The following PIGM variants were observed in gnomAD, a reference collection of about 807,000 sequenced individuals.
PIGM encodes the protein GPI alpha-1,4-mannosyltransferase I, catalytic subunit.
PIGM carries 7 observed loss-of-function variants against 14.6 expected under a neutral mutation model. The observed-to-expected ratio is 0.48, with a 90% CI of 0.27 to 0.90. The LOEUF (loss-of-function observed/expected upper bound fraction) is 0.90, where lower values mean the gene tolerates loss of function less well. Among genes scored for constraint, PIGM ranks in the 40% least tolerant of loss-of-function variants. The pLI is 0.12. For synonymous variants in PIGM, 216 were observed against 215.9 expected, an observed-to-expected ratio of 1.00 and a Z score of 0.00; for missense variants, 506 against 516.2, an observed-to-expected ratio of 0.98 and a Z score of 0.19.
rs751888594 is a variant in PIGM at position 160,031,521 on chromosome 1, C to G, written c.219G>C (p.Thr73=). ...AACCCAGCAGCGGGGTGTAACGGTA[C>G]GTGGCTCTCAGGTAAGGCGAGCGCC... The part of the protein sequence containing the change: ...TEGRSPYLRA[T]YRYTPLLGWL... The change falls in exon 1 of 1, where the codon ACG becomes ACC. Residue 73 remains threonine (T), a synonymous_variant. Coordinates refer to ENST00000368090, the MANE Select transcript of PIGM (RefSeq NM_145167.3). 6.2e-7 allele frequency: 1 copy of G among 1,614,158 alleles called. No individual in the cohort carries two copies. Among genetic ancestry groups the G allele is most frequent in the Non-Finnish European group, 8.5e-7 (1 of 1,180,028 alleles).
In PIGM at chr1:160,031,859, G is replaced by A. The variant is rs915837154; in HGVS notation, c.-120C>T. The A allele has an allele frequency of 1.7e-6, 2 of 1,149,878 alleles. No homozygotes were observed. Among genetic ancestry groups the A allele is most frequent in the Non-Finnish European group, 2.6e-6 (2 of 778,252 alleles). The allele number at this position is 1,149,878 out of a possible 1,614,324, so 71.2% of individuals were successfully genotyped here. ...TCTCCCACCCGCCAGGCTGCCAACCGAAACGACTGCAGACTATCACATCCG... is the reference window on the plus strand; with the variant it reads ...TCTCCCACCCGCCAGGCTGCCAACCAAAACGACTGCAGACTATCACATCCG... On this transcript the variant is annotated 5_prime_UTR_variant, in exon 1 of 1. Coordinates refer to ENST00000368090, the MANE Select transcript of PIGM (RefSeq NM_145167.3).
chr1:160,031,568 C>T lies in PIGM; in HGVS notation c.172G>A (p.Ala58Thr). 1 of 1,614,176 alleles carries T rather than the reference C, an allele frequency of 6.2e-7. No individual in the cohort carries two copies. Among genetic ancestry groups the T allele is most frequent in the East Asian group, 2.2e-5 (1 of 44,880 alleles). ...TDIDYQVFTD[A>T]ARFVTEGRSP... ...CGCCCCTCCGTGACGAAGCGCGCGG[C>T]GTCGGTGAAGACCTGGTAGTCGATG... The change falls in exon 1 of 1, where the codon GCC becomes ACC. Residue 58 changes from alanine to threonine, a missense_variant. Ala to Thr is a moderately conservative substitution (Grantham distance 58). Coordinates refer to ENST00000368090, the MANE Select transcript of PIGM (RefSeq NM_145167.3).
chr1:160,030,654 C>T lies in PIGM; in HGVS notation c.1086G>A (p.Met362Ile), dbSNP rs1272250142. The T allele has an allele frequency of 1.2e-6, 2 of 1,614,204 alleles. No homozygotes were observed. Among genetic ancestry groups the T allele is most frequent in the Admixed American group, 3.3e-5 (2 of 60,030 alleles). ...MPWKRAVVLL[M>I]LWFIGQAMWL... ...ACATGGCCTGCCCTATAAACCATAA[C>T]ATTAGGAGAACTACAGCTCTTTTCC... Residue 362 changes from methionine (M) to isoleucine (I), a missense_variant, in exon 1 of 1, where the codon ATG becomes ATA. By Grantham distance (10) the Met-to-Ile change is conservative. Coordinates refer to ENST00000368090, the MANE Select transcript of PIGM (RefSeq NM_145167.3).
rs1648298992 is a variant in PIGM at position 160,030,636 on chromosome 1, C to T, written c.1104G>A (p.Gln368=). The T allele has an allele frequency of 6.2e-7, 1 of 1,614,082 alleles. No homozygotes were observed. The highest frequency in any genetic ancestry group is 1.3e-5 in the African/African-American group (1 of 74,936). ...CATAGGCAGGAGCCAGCCACATGGC[C>T]TGCCCTATAAACCATAACATTAGGA... The part of the protein sequence containing the change: ...VVLLMLWFIG[Q]AMWLAPAYVL... The change falls in exon 1 of 1, where the codon CAG becomes CAA. Residue 368 remains glutamine (Q), a synonymous_variant. Transcript: ENST00000368090.
In PIGM at chr1:160,025,257, A is replaced by G. The variant is rs1352318842; in HGVS notation, c.*5211T>C. ...CCATTTCACAGATAAAAACTAATGT[A>G]TCTAGATATGATAATCTTGCTCAGG... is the stretch of plus-strand genomic sequence containing the variant. On this transcript the variant is annotated 3_prime_UTR_variant, in exon 1 of 1. Coordinates refer to ENST00000368090, the MANE Select transcript of PIGM (RefSeq NM_145167.3). 1 of 152,240 alleles carries G rather than the reference A, an allele frequency of 6.6e-6. No homozygotes were observed. The allele number at this position is 152,240 out of a possible 1,614,324, so 9.4% of individuals were successfully genotyped here. A position where few individuals can be genotyped will look rare whatever the true frequency, so the allele number is the denominator to read the frequency against.
rs756909888 is a variant in PIGM, at chr1:160,030,514, G to A, written c.1226C>T (p.Ser409Phe). 2.8e-5 allele frequency: 45 copies of A among 1,613,580 alleles called. No individual in the cohort carries two copies. Among genetic ancestry groups the A allele is most frequent in the Non-Finnish European group, 3.6e-5 (43 of 1,179,618 alleles). Residue 409 changes from serine to phenylalanine, a missense_variant, in exon 1 of 1, where the codon TCC (serine) becomes TTC (phenylalanine). Physicochemically the swap from Ser to Phe is radical, Grantham distance 155. Transcript: ENST00000368090. ...INCSILIQII[S>F]HYKEEPLTER... ...TGTCAGGGGTTCTTCTTTGTAATGG[G>A]AAATAATTTGAATCAGGATGGAACA...
At position 160,028,900 on chromosome 1, in the gene PIGM, A is replaced by G. The variant is rs748483526; in HGVS notation, c.*1568T>C. 3.9e-5 allele frequency: 6 copies of G among 152,142 alleles called. No individual in the cohort carries two copies. Among genetic ancestry groups the G allele is most frequent in the Non-Finnish European group, 8.8e-5 (6 of 68,006 alleles). 9.4% of individuals were successfully genotyped at this position (152,142 alleles called of 1,614,324 possible). ...TGACCACCTAAGCCTCAGTTCCACA[A>G]TCTCCCTCTAAATTCTCTGGTCTAG... On this transcript the variant is annotated 3_prime_UTR_variant, in exon 1 of 1. Coordinates refer to ENST00000368090, the MANE Select transcript of PIGM (RefSeq NM_145167.3).
In PIGM at chr1:160,030,415, T is replaced by G. The variant is rs1467531643; in HGVS notation, c.*53A>C. 15 of 1,537,580 alleles carry G rather than the reference T, an allele frequency of 9.8e-6. No homozygotes were observed. The highest frequency in any genetic ancestry group is 1.3e-5 in the Non-Finnish European group (15 of 1,111,750). ...AAAATGTCCCAAAGCTCTCTTCTGGTCCATACAAGACAATCAGAATGTAAC... is the reference window on the plus strand; with the variant it reads ...AAAATGTCCCAAAGCTCTCTTCTGGGCCATACAAGACAATCAGAATGTAAC... On this transcript the variant is annotated 3_prime_UTR_variant, in exon 1 of 1. Coordinates refer to ENST00000368090, the MANE Select transcript of PIGM (RefSeq NM_145167.3).
In PIGM at chr1:160,030,790, C is replaced by T. The variant is rs138769872; in HGVS notation, c.950G>A (p.Cys317Tyr). 7.0e-4 allele frequency: 1,137 copies of T among 1,613,952 alleles called. No homozygotes were observed. The highest frequency in any genetic ancestry group is 9.4e-4 in the Non-Finnish European group (1,109 of 1,179,978). ...FAYYRDLVFC[C>Y]FLHTSIFVTF... is the part of the protein sequence containing the mutation. ...CACAAAAATGGACGTATGAAGAAAA[C>T]AACAAAAAACGAGGTCTCTGTAATA... The change falls in exon 1 of 1, where the codon TGT becomes TAT. Residue 317 changes from cysteine (C) to tyrosine (Y), a missense_variant. Transcript: ENST00000368090.
In PIGM at chr1:160,031,243, A is replaced by G. The variant is rs1648324446; in HGVS notation, c.497T>C (p.Val166Ala). The change falls in exon 1 of 1, where the codon GTC (valine) becomes GCC (alanine). Residue 166 changes from valine (V) to alanine (A), a missense_variant. Val to Ala is a moderately conservative substitution (Grantham distance 64). Coordinates refer to ENST00000368090, the MANE Select transcript of PIGM (RefSeq NM_145167.3). Reference protein sequence around the residue: ...MVLYLIKKRLVACAAVFYGFA... With the variant: ...MVLYLIKKRLAACAAVFYGFA... The stretch of plus-strand genomic sequence containing the variant: ...ACCATAGAATACAGCTGCACACGCG[A>G]CGAGTCTTTTCTTTATCAAGTAGAG... 4.3e-6 allele frequency: 7 copies of G among 1,614,016 alleles called. No individual in the cohort carries two copies. Among genetic ancestry groups the G allele is most frequent in the African/African-American group, 1.3e-5 (1 of 74,882 alleles).
Position 160,025,632 on chromosome 1 carries a change from G to T in PIGM, c.*4836C>A, listed in dbSNP as rs1648166124. On this transcript the variant is annotated 3_prime_UTR_variant, in exon 1 of 1. Transcript: ENST00000368090. The stretch of plus-strand genomic sequence containing the variant: ...AAAAGTTTGGGGATGACAGTGACTT[G>T]GTACAACTGAGAGAACTGCCCCTCA... 6.6e-6 allele frequency: 1 copy of T among 152,154 alleles called. No homozygotes were observed. Among genetic ancestry groups the T allele is most frequent in the South Asian group, 2.1e-4 (1 of 4,830 alleles). The allele number at this position is 152,154 out of a possible 1,614,324, so 9.4% of individuals were successfully genotyped here. A position where few individuals can be genotyped will look rare whatever the true frequency, so the allele number is the denominator to read the frequency against.
rs569166175 is a variant in PIGM, at chr1:160,026,254, C to T, written c.*4214G>A. On this transcript the variant is annotated 3_prime_UTR_variant, in exon 1 of 1. Coordinates refer to ENST00000368090, the MANE Select transcript of PIGM (RefSeq NM_145167.3). ...TTATCCACCATGTTCTTTCCTTCCT[C>T]GGAATCTTTGAGATCCAAGAACGTC... is the stretch of plus-strand genomic sequence containing the variant. 2.6e-5 allele frequency: 4 copies of T among 152,254 alleles called. No individual in the cohort carries two copies. The highest frequency in any genetic ancestry group is 2.1e-4 in the South Asian group (1 of 4,824). The allele number at this position is 152,254 out of a possible 1,614,324, so 9.4% of individuals were successfully genotyped here. A position where few individuals can be genotyped will look rare whatever the true frequency, so the allele number is the denominator to read the frequency against.
rs1355513102 is a variant in PIGM at position 160,030,995 on chromosome 1, A to G, written c.745T>C (p.Tyr249His). 3.7e-6 allele frequency: 6 copies of G among 1,614,034 alleles called. No individual in the cohort carries two copies. The highest frequency in any genetic ancestry group is 5.1e-6 in the Non-Finnish European group (6 of 1,180,022). Residue 249 changes from tyrosine to histidine, a missense_variant, in exon 1 of 1, where the codon TAC becomes CAC. Coordinates refer to ENST00000368090, the MANE Select transcript of PIGM (RefSeq NM_145167.3). The stretch of plus-strand genomic sequence containing the variant: ...GTGTGTTCCAAAAATTCCCAGCCGT[A>G]CTCATAGTAAAAACCAAAGCTCAGG... The part of the protein sequence containing the change: ...FALSFGFYYE[Y>H]GWEFLEHTYF...
At position 160,030,814 on chromosome 1, in the gene PIGM, T is replaced by C. The variant is rs748656581; in HGVS notation, c.926A>G (p.Tyr309Cys). The C allele has an allele frequency of 1.4e-5, 22 of 1,614,026 alleles. No homozygotes were observed. Among genetic ancestry groups the C allele is most frequent in the East Asian group, 8.9e-5 (4 of 44,896 alleles). ...ACAACAAAAAACGAGGTCTCTGTAA[T>C]AGGCGAAAGACACAGCTGAAAGCAA... ...LILLSAVSFAYYRDLVFCCFL... is the reference protein window; with the variant it reads ...LILLSAVSFACYRDLVFCCFL... The change falls in exon 1 of 1, where the codon TAT (tyrosine) becomes TGT (cysteine). Residue 309 changes from tyrosine to cysteine, a missense_variant. Tyr to Cys is a radical substitution (Grantham distance 194, BLOSUM62 -2). Transcript: ENST00000368090.
rs1648266403 is a variant in PIGM at position 160,029,602 on chromosome 1, A to G, written c.*866T>C. 1 of 151,592 alleles carries G rather than the reference A, an allele frequency of 6.6e-6. No homozygotes were observed. The highest frequency in any genetic ancestry group is 2.4e-5 in the African/African-American group (1 of 41,252). 9.4% of individuals were successfully genotyped at this position (151,592 alleles called of 1,614,324 possible). ...TAGTAGAGAGGGGTTTCACCGTGTT[A>G]GCCAGGATGGTCTCAATCTCCTGAC... On this transcript the variant is annotated 3_prime_UTR_variant, in exon 1 of 1. Coordinates refer to ENST00000368090, the MANE Select transcript of PIGM (RefSeq NM_145167.3).
rs1217024111 is a variant in PIGM, at chr1:160,030,454, G to A, written c.*14C>T. On this transcript the variant is annotated 3_prime_UTR_variant, in exon 1 of 1. Transcript: ENST00000368090. ...TCAGAATGTAACACAGTAGCAGAGG[G>A]TGTGGAACATACACTAGTCATATTT... 2 of 1,596,942 alleles carry A rather than the reference G, an allele frequency of 1.3e-6. No homozygotes were observed. The highest frequency in any genetic ancestry group is 1.7e-5 in the Admixed American group (1 of 59,998).
rs2101918390 is a variant in PIGM at position 160,028,409 on chromosome 1, TA to T, written c.*2058del. On this transcript the variant is annotated 3_prime_UTR_variant, in exon 1 of 1. Coordinates refer to ENST00000368090, the MANE Select transcript of PIGM (RefSeq NM_145167.3). Reference sequence around the variant, plus strand: ...ACAAGACCTAATATGGGTATGAAACTAAATGTTATAAGGAAGGTCATTGTCC... The same window carrying T: ...ACAAGACCTAATATGGGTATGAAACTAATGTTATAAGGAAGGTCATTGTCC... 6.6e-6 allele frequency: 1 copy of T among 152,202 alleles called. No homozygotes were observed. The highest frequency in any genetic ancestry group is 1.9e-4 in the East Asian group (1 of 5,180). 9.4% of individuals were successfully genotyped at this position (152,202 alleles called of 1,614,324 possible).
rs756276286 is a variant in PIGM, at chr1:160,031,472, G to A, written c.268C>T (p.Leu90Phe). ...AGAAACTTTCCAAAGAGCTCGCTGA[G>A]GTAGATGTTGGGAGTGAGGAGCCAA... Reference protein sequence around the residue: ...LGWLLTPNIYLSELFGKFLFI... With the variant: ...LGWLLTPNIYFSELFGKFLFI... Residue 90 changes from leucine (L) to phenylalanine (F), a missense_variant, in exon 1 of 1, where the codon CTC becomes TTC. By Grantham distance (22) the Leu-to-Phe change is conservative. Transcript: ENST00000368090. 1.9e-6 allele frequency: 3 copies of A among 1,613,636 alleles called. No homozygotes were observed. The highest frequency in any genetic ancestry group is 2.2e-5 in the South Asian group (2 of 91,082).
rs201082832 is a variant in PIGM at position 160,030,698 on chromosome 1, G to A, written c.1042C>T (p.Pro348Ser). ...CTTTTCCAAGGCATTCTGACTAGTG[G>A]CATCACAAGAGGCAGTAAGCAGAGG... The part of the protein sequence containing the change: ...WYLCLLPLVM[P>S]LVRMPWKRAV... The change falls in exon 1 of 1, where the codon CCA (proline) becomes TCA (serine). Residue 348 changes from proline to serine, a missense_variant. By Grantham distance (74) the Pro-to-Ser change is moderately conservative (BLOSUM62 -1). Transcript: ENST00000368090. 1,666 of 1,614,062 alleles carry A rather than the reference G, an allele frequency of 1.0e-3. 33 individuals are homozygous for A. The South Asian group carries it at 0.018, about 17-fold the overall frequency.
Sources: allele counts gnomAD v4.1 joint callset, GRCh38; gene constraint gnomAD v4.1.1; transcripts MANE v1.5; gene names NCBI Gene and HGNC (gene_info 2026-07-23, HGNC 2026-07-21).